Variants in ARHGAP15 observed in about 807,000 individuals in gnomAD.
ARHGAP15 encodes the protein Rho GTPase activating protein 15, also known as rho GTPase-activating protein 15.
ARHGAP15 carries 51 observed loss-of-function variants against 63.7 expected under a neutral mutation model. That is an observed-to-expected ratio of 0.80 (90% CI 0.64 to 1.01). The LOEUF (loss-of-function observed/expected upper bound fraction) is 1.01. ARHGAP15 is among the 50% of genes least tolerant of loss of function. The pLI is 0.00. For missense variants in ARHGAP15, 560 were observed against 564.6 expected (o/e 0.99, Z 0.08); for synonymous variants, 191 against 193.8 (o/e 0.99, Z 0.12).
At chr2:143,338,592 A>G (rs1355597321) in intron 6 of ARHGAP15, among the ~76,000 whole-genome samples, 3 of 152,194 alleles carry the variant, frequency 2.0e-5, no homozygotes, top group African/African-American at 7.2e-5. Flanking sequence ...TTTAGTATCA[A>G]ATTGTTAAAT....
chr2:143,394,590 A>C (rs1687677869), intron 6 of ARHGAP15, among the ~76,000 whole-genome samples: 1 of 152,290 alleles, frequency 6.6e-6, no homozygotes, highest in African/African-American at 2.4e-5. Flanking sequence ...AATGACTAGT[A>C]CTGTCTTCTA....
chr2:143,677,861 A>G (rs577091678), intron 12 of ARHGAP15, among the ~76,000 whole-genome samples: 24 of 152,346 alleles, frequency 1.6e-4, no homozygotes, highest in Middle Eastern at 6.8e-3. Context: ...CTGATACACA[A>G]TAAAAGGCAG....
chr2:143,383,211 C>T (rs1320357464), intron 6 of ARHGAP15, among the ~76,000 whole-genome samples: 1 of 152,116 alleles, frequency 6.6e-6, no homozygotes, highest in Non-Finnish European at 1.5e-5. Flanking sequence ...AGAACTATTG[C>T]ACAATTTGCC....
At chr2:143,302,670 C>A (rs1046338644) in intron 6 of ARHGAP15, among the ~76,000 whole-genome samples, 1 of 151,860 alleles carries the variant, frequency 6.6e-6, no homozygotes, top group African/African-American at 2.4e-5. Context: ...AACTATCCAC[C>A]CCCGCCCATT....
intron 6 of ARHGAP15, among the ~76,000 whole-genome samples, chr2:143,252,223 A>G (rs1289435669): frequency 6.6e-6 from 1 of 152,092 alleles, no homozygotes; most frequent in East Asian, 1.9e-4. Context: ...TATTTGATGC[A>G]TACAGGGCTG....
intron 11 of ARHGAP15, among the ~76,000 whole-genome samples, chr2:143,577,298 C>T (rs550546781): frequency 6.6e-5 from 10 of 152,132 alleles, no homozygotes; most frequent in South Asian, 4.2e-4. Flanking sequence ...TGTTGACTTT[C>T]GATTTCTTTA....
At chr2:143,751,299 C>T (rs1481851625) in intron 13 of ARHGAP15, among the ~76,000 whole-genome samples, 4 of 152,228 alleles carry the variant, frequency 2.6e-5, no homozygotes, top group East Asian at 3.9e-4. Flanking sequence ...TCCAAGAGTC[C>T]CCTGGGGTGA....
intron 2 of ARHGAP15, among the ~76,000 whole-genome samples, chr2:143,187,230 G>C (rs1691488180): frequency 6.6e-6 from 1 of 152,148 alleles, no homozygotes; most frequent in African/African-American, 2.4e-5. Flanking sequence ...ATTTGTCTGT[G>C]TAAAATGCCT....
chr2:143,701,291 CTCTT>C (rs1275676043), intron 12 of ARHGAP15, among the ~76,000 whole-genome samples: 1 of 152,204 alleles, frequency 6.6e-6, no homozygotes, highest in Non-Finnish European at 1.5e-5. Flanking sequence ...TCTAAACTAA[CTCTT>C]TCTTATCCTA....
At chr2:143,305,404 A>G (rs1683120809) in intron 6 of ARHGAP15, 1 of 152,036 alleles carries the variant, frequency 6.6e-6, no homozygotes, top group Admixed American at 6.6e-5. Flanking sequence ...GCAAACCACC[A>G]TGGCACGTGT....
chr2:143,623,279 C>CA (rs1336239867), intron 11 of ARHGAP15, among the ~76,000 whole-genome samples: 1 of 152,148 alleles, frequency 6.6e-6, no homozygotes, highest in Non-Finnish European at 1.5e-5. Flanking sequence ...GTGAAAAGGA[C>CA]AAAAATAATT....
intron 8 of ARHGAP15, among the ~76,000 whole-genome samples, chr2:143,462,014 A>G (rs1263367978): frequency 6.6e-6 from 1 of 151,944 alleles, no homozygotes; most frequent in Non-Finnish European, 1.5e-5. Context: ...TTAGCCGGGA[A>G]TGGTGGTGCG....
intron 11 of ARHGAP15, among the ~76,000 whole-genome samples, chr2:143,605,584 G>T (rs929502105): frequency 6.6e-6 from 1 of 151,992 alleles, no homozygotes; most frequent in African/African-American, 2.4e-5. Context: ...CCTAGCAAAT[G>T]ATCCCTAGCT....
chr2:143,677,064 T>C (rs1247820558), intron 12 of ARHGAP15, among the ~76,000 whole-genome samples: 1 of 152,240 alleles, frequency 6.6e-6, no homozygotes, highest in Non-Finnish European at 1.5e-5. Flanking sequence ...TTATGGTATG[T>C]TTCAGTTTGT....
chr2:143,524,054 G>A (rs1694165300), intron 10 of ARHGAP15, among the ~76,000 whole-genome samples: 1 of 152,104 alleles, frequency 6.6e-6, no homozygotes, highest in South Asian at 2.1e-4. Context: ...ACTATGACAG[G>A]AATGGTACAC....
intron 5 of ARHGAP15, among the ~76,000 whole-genome samples, chr2:143,245,710 T>G (rs1321120360): frequency 6.6e-6 from 1 of 152,002 alleles, no homozygotes; most frequent in African/African-American, 2.4e-5. Context: ...AAATGTGAAA[T>G]TCTTATTCTT....
At chr2:143,224,355 C>A (rs543538678) in intron 4 of ARHGAP15, among the ~76,000 whole-genome samples, 1 of 152,024 alleles carries the variant, frequency 6.6e-6, no homozygotes, top group African/African-American at 2.4e-5. Context: ...GAAAAAATCT[C>A]GATTTTTTCT....
chr2:143,221,662 A>G (rs1022651337), intron 4 of ARHGAP15, among the ~76,000 whole-genome samples: 2 of 152,200 alleles, frequency 1.3e-5, no homozygotes, highest in East Asian at 1.9e-4. Flanking sequence ...ATGAAGTCTC[A>G]GCACCACAAA....
chr2:143,646,141 A>C (rs1004902878), intron 12 of ARHGAP15, among the ~76,000 whole-genome samples: 3 of 152,060 alleles, frequency 2.0e-5, no homozygotes, highest in African/African-American at 7.2e-5. Context: ...ACATGTGATG[A>C]GATATTTACA....
Sources: allele counts gnomAD v4.1 joint callset (sites outside exome capture counted in the v4.1 genomes callset), GRCh38; gene constraint gnomAD v4.1.1; transcripts MANE v1.5; gene names NCBI Gene and HGNC (gene_info 2026-07-23, HGNC 2026-07-21).